The following CEP85L variants were observed in gnomAD, a reference collection of about 807,000 sequenced individuals.
The protein encoded by CEP85L is centrosomal protein 85L.
CEP85L carries 60 observed loss-of-function variants against 100.3 expected under a neutral mutation model. That is an observed-to-expected ratio of 0.60 (90% CI 0.49 to 0.74). CEP85L has a LOEUF of 0.74. CEP85L is among the 30% of genes least tolerant of loss of function. The pLI, the probability that CEP85L is intolerant of heterozygous loss-of-function variation, is 0.00. For missense variants in CEP85L, 973 were observed against 936.2 expected (o/e 1.04, Z -0.51); for synonymous variants, 319 against 322.7 (o/e 0.99, Z 0.12).
rs947499276 is a variant in CEP85L at position 118,465,199 on chromosome 6, C to T, written c.*206G>A. The T allele has an allele frequency of 2.1e-6, 1 of 468,750 alleles. No homozygotes were observed. Among genetic ancestry groups the T allele is most frequent in the Non-Finnish European group, 3.7e-6 (1 of 267,088 alleles). The allele number at this position is 468,750 out of a possible 1,614,324, so 29.0% of individuals were successfully genotyped here. Reference sequence around the variant, plus strand: ...TCCTTGTAGATTTTATCATATTTTCCAAAGGTAATTTGATTTTTTTTCTTT... The same window carrying T: ...TCCTTGTAGATTTTATCATATTTTCTAAAGGTAATTTGATTTTTTTTCTTT... On this transcript the variant is annotated 3_prime_UTR_variant, in exon 13 of 13. Coordinates refer to ENST00000368491, the MANE Select transcript of CEP85L (RefSeq NM_001042475.3).
At chr6:118,590,152 G>GT (rs1338601408) in intron 2 of CEP85L, among the ~76,000 whole-genome samples, 1 of 151,582 alleles carries the variant, frequency 6.6e-6, no homozygotes, top group Non-Finnish European at 1.5e-5. Flanking sequence ...CCCTCACTCT[G>GT]TTTCCTGTTC....
intron 3 of CEP85L, among the ~76,000 whole-genome samples, chr6:118,549,956 T>C (rs1051835011): frequency 2.6e-5 from 4 of 151,882 alleles, no homozygotes; most frequent in African/African-American, 9.7e-5. Context: ...GTACCATACA[T>C]TGTGTCCCAA....
intron 2 of CEP85L, among the ~76,000 whole-genome samples, chr6:118,616,872 G>A (rs1320215686): frequency 1.3e-5 from 2 of 151,624 alleles, no homozygotes; most frequent in East Asian, 2.0e-4. Context: ...TTGAACCCGG[G>A]AGGCGGAGCT....
chr6:118,663,172 A>T (rs1279785031), intron 1 of CEP85L, among the ~76,000 whole-genome samples: 1 of 152,230 alleles, frequency 6.6e-6, no homozygotes, highest in Non-Finnish European at 1.5e-5. Context: ...TATAAATGGG[A>T]CCAACTCTTT....
At chr6:118,479,986 T>C in intron 9 of CEP85L, 65 bp from the exon 10 acceptor site, 1 of 835,202 alleles carries the variant, frequency 1.2e-6, no homozygotes, top group South Asian at 1.7e-5. Flanking sequence ...GTACCAACAT[T>C]TCAAGAAAAC....
intron 10 of CEP85L, among the ~76,000 whole-genome samples, chr6:118,479,496 G>A (rs1773622520): frequency 6.6e-6 from 1 of 151,818 alleles, no homozygotes; most frequent in Non-Finnish European, 1.5e-5. Flanking sequence ...ACCTCTTCAG[G>A]AAAAACATCA....
chr6:118,498,295 A>AC (rs909179080), intron 5 of CEP85L, among the ~76,000 whole-genome samples: 77 of 152,290 alleles, frequency 5.1e-4, no homozygotes, highest in African/African-American at 1.8e-3. Context: ...GGGGTTCGAG[A>AC]CCAGCCTAGG....
intron 2 of CEP85L, among the ~76,000 whole-genome samples, chr6:118,577,701 G>T (rs1329452313): frequency 6.6e-6 from 1 of 152,178 alleles, no homozygotes; most frequent in Admixed American, 6.5e-5. Context: ...AAAAGGTGGG[G>T]TCTGTGTCAT....
chr6:118,684,640 TC>T (rs1016045083), intron 1 of CEP85L, among the ~76,000 whole-genome samples: 4 of 152,152 alleles, frequency 2.6e-5, no homozygotes, highest in African/African-American at 9.7e-5. Flanking sequence ...TTTTCACCGC[TC>T]CTGATGGGGC....
chr6:118,659,609 T>G (rs1023619876), intron 1 of CEP85L, among the ~76,000 whole-genome samples: 2 of 152,134 alleles, frequency 1.3e-5, no homozygotes, highest in African/African-American at 4.8e-5. Flanking sequence ...CTAAGGGAGA[T>G]GGTAGATTGG....
chr6:118,509,520 C>G (rs1056901141), intron 5 of CEP85L, among the ~76,000 whole-genome samples: 2 of 152,034 alleles, frequency 1.3e-5, no homozygotes, highest in Non-Finnish European at 2.9e-5. Flanking sequence ...AAGTTGGAGT[C>G]TCTATGTTAA....
chr6:118,606,040 C>G (rs1321868488), intron 2 of CEP85L, among the ~76,000 whole-genome samples: 1 of 147,924 alleles, frequency 6.8e-6, no homozygotes, highest in African/African-American at 2.5e-5. Context: ...AAGTGGAAAG[C>G]CAAAAAACAA....
At chr6:118,659,826 C>A (rs1241701673) in intron 1 of CEP85L, among the ~76,000 whole-genome samples, 1 of 152,232 alleles carries the variant, frequency 6.6e-6, no homozygotes, top group Non-Finnish European at 1.5e-5. Flanking sequence ...CCCAGCTTGC[C>A]CTAAGATGGC....
In CEP85L at chr6:118,464,308, G is replaced by A. The variant is rs921162859; in HGVS notation, c.*1097C>T. 2.6e-5 allele frequency: 4 copies of A among 152,120 alleles called. No individual in the cohort carries two copies. Among genetic ancestry groups the A allele is most frequent in the East Asian group, 1.9e-4 (1 of 5,184 alleles). 9.4% of individuals were successfully genotyped at this position (152,120 alleles called of 1,614,324 possible). On this transcript the variant is annotated 3_prime_UTR_variant, in exon 13 of 13. Coordinates refer to ENST00000368491, the MANE Select transcript of CEP85L (RefSeq NM_001042475.3). ...GTAATTCAGATTAAGAACTAATTTC[G>A]CCAAGTTCATATCCTGTGAAAAACT...
At chr6:118,472,894 T>A (rs1302596245) in intron 10 of CEP85L, among the ~76,000 whole-genome samples, 1 of 152,222 alleles carries the variant, frequency 6.6e-6, no homozygotes, top group East Asian at 1.9e-4. Context: ...ATGTTTGAAG[T>A]TGAACAGTGG....
rs149228519 is a variant in CEP85L at position 118,468,087 on chromosome 6, G to A, written c.2254+985C>T. ...GTGAGTGAATATACTTAAACATTAT[G>A]TGTTTTTTCGATATCCACATTTGTG... On this transcript the variant is annotated intron_variant, in intron 12 of 12. Coordinates refer to ENST00000368491, the MANE Select transcript of CEP85L (RefSeq NM_001042475.3). Among the ~76,000 whole-genome samples the A allele has an allele frequency of 8.6e-4, 131 of 152,310 alleles. 1 individual carries two copies. The highest frequency in any genetic ancestry group is 3.0e-3 in the African/African-American group (124 of 41,582).
intron 3 of CEP85L, chr6:118,558,724 C>T (rs1583046762): frequency 1.8e-6 from 1 of 551,008 alleles, no homozygotes; most frequent in South Asian, 2.0e-5. Context: ...TTATAAATAA[C>T]AATAGTGCTG....
intron 4 of CEP85L, among the ~76,000 whole-genome samples, chr6:118,514,611 A>C (rs1053368852): frequency 6.6e-6 from 1 of 151,942 alleles, no homozygotes; most frequent in Non-Finnish European, 1.5e-5. Flanking sequence ...TAAATGGTTT[A>C]GATACTCCCA....
intron 2 of CEP85L, among the ~76,000 whole-genome samples, chr6:118,614,181 A>G (rs1173089667): frequency 6.6e-6 from 1 of 152,224 alleles, no homozygotes; most frequent in East Asian, 1.9e-4. Context: ...ATACCTATTC[A>G]TGATAAAAAC....
Sources: allele counts gnomAD v4.1 joint callset (sites outside exome capture counted in the v4.1 genomes callset), GRCh38; gene constraint gnomAD v4.1.1; transcripts MANE v1.5; gene names NCBI Gene and HGNC (gene_info 2026-07-23, HGNC 2026-07-21).